PRDM5: variants seen among roughly 807,000 people sequenced by gnomAD.
PRDM5 encodes PR/SET domain 5.
PRDM5 carries 56 observed loss-of-function variants against 81.2 expected under a neutral mutation model. The ratio of observed to expected loss-of-function variants is 0.69; its 90% CI spans 0.56 to 0.86. The LOEUF is 0.86. Among genes scored for constraint, PRDM5 ranks in the 40% least tolerant of loss-of-function variants. PRDM5 has a pLI of 0.00. For missense variants in PRDM5, 697 were observed against 770.1 expected (o/e 0.91, Z 1.12); for synonymous variants, 267 against 256.4 (o/e 1.04, Z -0.39).
intron 3 of PRDM5, among the ~76,000 whole-genome samples, chr4:120,823,581 G>A (rs1755575457): frequency 6.6e-6 from 1 of 152,118 alleles, no homozygotes; most frequent in Non-Finnish European, 1.5e-5. Flanking sequence ...ATCCTCTTAA[G>A]TCACTTCCTT....
In PRDM5 at chr4:120,853,266, A is replaced by G. The variant is rs1759495578; in HGVS notation, c.300+152T>C. 4.2e-6 allele frequency: 5 copies of G among 1,193,390 alleles called. No individual in the cohort carries two copies. In the African/African-American group the frequency reaches 4.5e-5, roughly 11 times the overall value. 73.9% of individuals were successfully genotyped at this position (1,193,390 alleles called of 1,614,324 possible). On this transcript the variant is annotated intron_variant, in intron 3 of 15. Transcript: ENST00000264808. Reference sequence around the variant, plus strand: ...TACAGCTAGGCTTGCCCTTTCCTACATATGCTGACTAGATGAGATTTCTCT... The same window carrying G: ...TACAGCTAGGCTTGCCCTTTCCTACGTATGCTGACTAGATGAGATTTCTCT...
rs551874377 is a variant in PRDM5 at position 120,838,898 on chromosome 4, G to A, written c.300+14520C>T. On this transcript the variant is annotated intron_variant, in intron 3 of 15. Transcript: ENST00000264808. The stretch of plus-strand genomic sequence containing the variant: ...GACTGCATGGAGCGGCAAGGGGTGT[G>A]AGAGTGAGTGTGGGGTCTGGCCAAT... The A allele has an allele frequency of 9.0e-6, 3 of 333,356 alleles. No individual in the cohort carries two copies. In the East Asian group the frequency reaches 1.5e-4, roughly 17 times the overall value. The allele number at this position is 333,356 out of a possible 1,614,324, so 20.6% of individuals were successfully genotyped here.
intron 10 of PRDM5, among the ~76,000 whole-genome samples, chr4:120,796,024 T>C (rs147127655): frequency 1.8e-3 from 270 of 152,262 alleles, no homozygotes; most frequent in African/African-American, 6.2e-3. Context: ...CTCAAATAAG[T>C]ATAATAAAAA....
intron 14 of PRDM5, among the ~76,000 whole-genome samples, chr4:120,744,310 T>C (rs1391765712): frequency 1.3e-5 from 2 of 152,134 alleles, no homozygotes; most frequent in East Asian, 3.9e-4. Flanking sequence ...TAGCACTAAA[T>C]GCCCACAAGA....
chr4:120,862,007 A>G (rs1760659680), intron 2 of PRDM5, among the ~76,000 whole-genome samples: 1 of 152,150 alleles, frequency 6.6e-6, no homozygotes, highest in Non-Finnish European at 1.5e-5. Flanking sequence ...TTAAAATTGA[A>G]TCCACCCAAC....
chr4:120,691,524 G>T (rs1200890855), downstream of PRDM5, among the ~76,000 whole-genome samples: 1 of 152,116 alleles, frequency 6.6e-6, no homozygotes, highest in Non-Finnish European at 1.5e-5. Flanking sequence ...TGAAACATTT[G>T]CCATAACTTT....
chr4:120,750,687 T>TAC (rs56024428), intron 14 of PRDM5, among the ~76,000 whole-genome samples: 7,769 of 147,546 alleles, frequency 0.053, 577 homozygotes, highest in African/African-American at 0.17. Flanking sequence ...TAGTTTCTTT[T>TAC]ACACACACAC....
chr4:120,737,161 C>T (rs1179607923), intron 14 of PRDM5, among the ~76,000 whole-genome samples: 1 of 152,130 alleles, frequency 6.6e-6, no homozygotes, highest in Non-Finnish European at 1.5e-5. Flanking sequence ...TCTCTGGCTT[C>T]CTTCTGTGGC....
intron 2 of PRDM5, among the ~76,000 whole-genome samples, chr4:120,863,378 G>C (rs1760858238): frequency 6.6e-6 from 1 of 151,718 alleles, no homozygotes; most frequent in South Asian, 2.1e-4. Flanking sequence ...ATAAACCTTA[G>C]CCATGAGTAC....
At chr4:120,728,019 G>A (rs1369847675) in intron 14 of PRDM5, among the ~76,000 whole-genome samples, 1 of 151,886 alleles carries the variant, frequency 6.6e-6, no homozygotes, top group Non-Finnish European at 1.5e-5. Context: ...CATGATCACA[G>A]CTGGTCCTTA....
chr4:120,769,043 G>A (rs901761265), intron 13 of PRDM5, among the ~76,000 whole-genome samples: 2 of 152,082 alleles, frequency 1.3e-5, no homozygotes, highest in Admixed American at 6.5e-5. Context: ...TGAATGTTAC[G>A]GATTTTTGTA....
rs546804677 is a variant in PRDM5 at position 120,862,128 on chromosome 4, CTAAGGTAATTCTCA to C, written c.178-8602_178-8589del. Among the ~76,000 whole-genome samples, 19 of 152,326 alleles carry C rather than the reference CTAAGGTAATTCTCA, an allele frequency of 1.2e-4. No homozygotes were observed. In the East Asian group the frequency reaches 3.3e-3, roughly 26 times the overall value. On this transcript the variant is annotated intron_variant, in intron 2 of 15. Coordinates refer to ENST00000264808, the MANE Select transcript of PRDM5 (RefSeq NM_018699.4). ...AAGGCAACCAAATACTTCCCAGTTA[CTAAGGTAATTCTCA>C]TAATCATCCAGCAATCATAGTTCTG... is the stretch of plus-strand genomic sequence containing the variant.
intron 10 of PRDM5, among the ~76,000 whole-genome samples, chr4:120,792,704 C>T (rs1750755251): frequency 6.6e-6 from 1 of 152,082 alleles, no homozygotes. Flanking sequence ...GGTATATAGA[C>T]ACAATGTAAT....
intron 14 of PRDM5, among the ~76,000 whole-genome samples, chr4:120,726,118 T>G (rs1027721135): frequency 4.6e-5 from 7 of 152,142 alleles, no homozygotes; most frequent in Admixed American, 4.6e-4. Context: ...GGGCAGTGCT[T>G]TGGACTGAAG....
intron 14 of PRDM5, among the ~76,000 whole-genome samples, chr4:120,752,944 C>T (rs1212048864): frequency 6.6e-6 from 1 of 152,106 alleles, no homozygotes; most frequent in African/African-American, 2.4e-5. Context: ...TCATTAATAA[C>T]TTTATATTAA....
intron 3 of PRDM5, among the ~76,000 whole-genome samples, chr4:120,840,179 C>A (rs1263115814): frequency 6.6e-6 from 1 of 152,208 alleles, no homozygotes; most frequent in Non-Finnish European, 1.5e-5. Context: ...TGGCTGTGCC[C>A]CTTCACACCC....
intron 15 of PRDM5, among the ~76,000 whole-genome samples, chr4:120,708,347 A>G (rs1156326596): frequency 3.3e-5 from 5 of 152,152 alleles, no homozygotes; most frequent in African/African-American, 9.6e-5. Context: ...GAAAATGTGG[A>G]TAAACCTTGA....
chr4:120,883,824 A>G (rs973708909), intron 2 of PRDM5, among the ~76,000 whole-genome samples: 1 of 152,220 alleles, frequency 6.6e-6, no homozygotes, highest in Non-Finnish European at 1.5e-5. Context: ...GAAACTTTGC[A>G]CAAGATATTA....
At chr4:120,710,788 G>GT (rs1166319520) in intron 14 of PRDM5, among the ~76,000 whole-genome samples, 1 of 152,026 alleles carries the variant, frequency 6.6e-6, no homozygotes, top group Non-Finnish European at 1.5e-5. Flanking sequence ...CACCATGACT[G>GT]TAAGTTTCCT....
Sources: gnomAD v4.1 joint callset for allele counts (sites outside exome capture counted in the v4.1 genomes callset) on GRCh38, gnomAD v4.1.1 for gene constraint, MANE v1.5 for transcripts, NCBI Gene and HGNC (gene_info 2026-07-23, HGNC 2026-07-21) for gene names.